Variants in PRKDC observed in about 807,000 individuals in gnomAD.
PRKDC encodes DNA-dependent protein kinase catalytic subunit.
A neutral mutation model predicts 486.9 loss-of-function variants in PRKDC; 82 were observed. The ratio of observed to expected loss-of-function variants is 0.17; its 90% CI spans 0.14 to 0.20. The LOEUF is 0.20. Ranked by LOEUF, PRKDC falls within the 10% of genes least tolerant of loss-of-function variation. The probability of loss-of-function intolerance (pLI) is 1.00; values close to 1 mark genes in which losing one functional copy is unlikely to be tolerated. For synonymous variants in PRKDC, 1,895 were observed against 1,837.0 expected, an observed-to-expected ratio of 1.03 and a Z score of -0.81; for missense variants, 4,504 against 5,038.2, an observed-to-expected ratio of 0.89 and a Z score of 3.21.
chr8:47,837,502 A>G, intron 56 of PRKDC, 83 bp from the exon 57 acceptor site: 1 of 1,082,000 alleles, frequency 9.2e-7, no homozygotes, highest in Middle Eastern at 2.9e-4. Flanking sequence ...CCTGTGGAGA[A>G]GGCACAGCTC....
intron 25 of PRKDC, among the ~76,000 whole-genome samples, chr8:47,906,209 C>T (rs565989752): frequency 1.1e-3 from 171 of 152,086 alleles, no homozygotes; most frequent in Non-Finnish European, 2.2e-3. Context: ...TAGCTAGGCA[C>T]GGTGGTGCGT....
In PRKDC at chr8:47,874,036, C is replaced by T. The variant is rs114162612; in HGVS notation, c.5363+3688G>A. ...GAGTCTCGCTCAGTCACCTGCCTCC[C>T]GGGTTCACGTCATTCTCCTGCCTCA... On this transcript the variant is annotated intron_variant, in intron 40 of 85. Transcript: ENST00000314191. 9.7e-3 allele frequency among the ~76,000 whole-genome samples: 1,453 copies of T among 149,614 alleles called. 27 individuals are homozygous for T. Among genetic ancestry groups the T allele is most frequent in the African/African-American group, 0.033 (1,340 of 40,620 alleles).
At chr8:47,912,602 CGTT>C in intron 24 of PRKDC, 40 bp from the exon 25 acceptor site, 1 of 1,514,330 alleles carries the variant, frequency 6.6e-7, no homozygotes, top group Non-Finnish European at 8.9e-7. Flanking sequence ...TAAGTTATCA[CGTT>C]GATGACAAGA....
chr8:47,806,999 T>C, intron 69 of PRKDC, 138 bp downstream of exon 69: 1 of 878,924 alleles, frequency 1.1e-6, no homozygotes, highest in Non-Finnish European at 1.6e-6. Flanking sequence ...CCCGGCCAAG[T>C]TTACTTATAA....
At chr8:47,861,086 C>G (rs2088667088) in intron 44 of PRKDC, 115 bp from the exon 45 acceptor site, 2 of 767,158 alleles carry the variant, frequency 2.6e-6, no homozygotes, top group African/African-American at 1.8e-5. Flanking sequence ...CAAAACAAAA[C>G]AAATTTAAAA....
At chr8:47,928,330 T>G (rs1202524321) in intron 19 of PRKDC, among the ~76,000 whole-genome samples, 1 of 151,860 alleles carries the variant, frequency 6.6e-6, no homozygotes, top group Non-Finnish European at 1.5e-5. Flanking sequence ...TTTTTGTATT[T>G]TTAGTACAGA....
intron 64 of PRKDC, 148 bp from the exon 65 acceptor site, chr8:47,821,940 T>G: frequency 1.2e-6 from 1 of 800,350 alleles, no homozygotes; most frequent in Non-Finnish European, 1.9e-6. Context: ...CTATTCAGAG[T>G]AACACTGAAT....
At chr8:47,842,273 C>T (rs1455943583) in intron 54 of PRKDC, among the ~76,000 whole-genome samples, 1 of 152,146 alleles carries the variant, frequency 6.6e-6, no homozygotes, top group Non-Finnish European at 1.5e-5. Flanking sequence ...TCCCCTACCC[C>T]CAGCACAGAG....
intron 80 of PRKDC, among the ~76,000 whole-genome samples, chr8:47,781,139 T>C (rs931909722): frequency 6.6e-6 from 1 of 152,136 alleles, no homozygotes; most frequent in Non-Finnish European, 1.5e-5. Flanking sequence ...TGCAGGCAGG[T>C]ACCACAGGAA....
At chr8:47,943,736 T>G in intron 9 of PRKDC, 117 bp downstream of exon 9, 1 of 916,760 alleles carries the variant, frequency 1.1e-6, no homozygotes, top group African/African-American at 1.7e-5. Flanking sequence ...AATAACTGTG[T>G]GTGAAACATC....
chr8:47,855,494 G>T, intron 49 of PRKDC, 121 bp from the exon 50 acceptor site: 1 of 1,063,114 alleles, frequency 9.4e-7, no homozygotes, highest in Non-Finnish European at 1.3e-6. Context: ...CCTGTTGAAA[G>T]CCCTGTGATT....
chr8:47,959,833 A>T, intron 1 of PRKDC, 140 bp downstream of exon 1: 1 of 1,392,838 alleles, frequency 7.2e-7, no homozygotes, highest in Non-Finnish European at 9.5e-7. Context: ...TTATACACAT[A>T]CACAGAAATT....
intron 7 of PRKDC, among the ~76,000 whole-genome samples, chr8:47,945,142 C>T (rs1211013693): frequency 6.6e-6 from 1 of 152,148 alleles, no homozygotes; most frequent in Non-Finnish European, 1.5e-5. Flanking sequence ...GGGGACTTAG[C>T]AAGGACAGAC....
rs1220936448 is a variant in PRKDC, at chr8:47,840,032, T to C, written c.7438A>G (p.Ile2480Val). The change falls in exon 55 of 86, where the codon ATT becomes GTT. Residue 2480 changes from isoleucine to valine, a missense_variant. Physicochemically the swap from Ile to Val is conservative, Grantham distance 29 (BLOSUM62 3). This residue lies in a region of PRKDC where 1,592 missense variants were observed against 1,724.6 expected (regional missense o/e 0.92). Transcript: ENST00000314191. ...REQMYNILMWIHDNYRDPESE... is the reference protein window; with the variant it reads ...REQMYNILMWVHDNYRDPESE... ...ATAGCTTACCTGTAATTATCATGAA[T>C]CCACATGAGAATATTATACATTTGT... 6.5e-7 allele frequency: 1 copy of C among 1,539,702 alleles called. No individual in the cohort carries two copies. The highest frequency in any genetic ancestry group is 8.8e-7 in the Non-Finnish European group (1 of 1,139,998).
chr8:47,781,532 C>A (rs1463303667), intron 80 of PRKDC, among the ~76,000 whole-genome samples: 1 of 152,182 alleles, frequency 6.6e-6, no homozygotes, highest in African/African-American at 2.4e-5. Context: ...TTGTCAAAAT[C>A]TGTCAACCCT....
chr8:47,911,266 C>A (rs899298902), intron 25 of PRKDC, among the ~76,000 whole-genome samples: 2 of 152,216 alleles, frequency 1.3e-5, no homozygotes, highest in African/African-American at 4.8e-5. Context: ...CCAAGTAAAG[C>A]ACTGACCACT....
At chr8:47,911,449 A>G (rs979982917) in intron 25 of PRKDC, among the ~76,000 whole-genome samples, 5 of 152,208 alleles carry the variant, frequency 3.3e-5, no homozygotes, top group African/African-American at 9.6e-5. Flanking sequence ...GCTTCCATGG[A>G]GAGGTTCATT....
chr8:47,778,914 C>T (rs1589689402), intron 81 of PRKDC, 90 bp downstream of exon 81: 1 of 1,440,064 alleles, frequency 6.9e-7, no homozygotes, highest in Admixed American at 2.2e-5. Context: ...TTGATGATCT[C>T]TCTGAGGCAA....
intron 73 of PRKDC, among the ~76,000 whole-genome samples, chr8:47,795,290 C>T (rs1461278483): frequency 1.4e-4 from 20 of 147,002 alleles, no homozygotes; most frequent in African/African-American, 2.0e-4. Context: ...CCCAGGTTTA[C>T]GCCATTCTCC....
Sources: allele counts gnomAD v4.1 joint callset (sites outside exome capture counted in the v4.1 genomes callset), GRCh38; gene constraint gnomAD v4.1.1; regional missense constraint gnomAD v4.1.1; transcripts MANE v1.5; gene names NCBI Gene and HGNC (gene_info 2026-07-23, HGNC 2026-07-21).